The following ATOH1 variants were observed in gnomAD, a reference collection of about 807,000 sequenced individuals.
ATOH1 encodes atonal bHLH transcription factor 1, also known as transcription factor ATOH1.
Under a neutral mutation model 20.7 loss-of-function variants are expected in ATOH1, and 9 were observed. The observed-to-expected ratio is 0.44, with a 90% confidence interval of 0.26 to 0.76. The LOEUF (loss-of-function observed/expected upper bound fraction) is 0.76, where lower values mean the gene tolerates loss of function less well. Ranked by LOEUF, ATOH1 falls within the 30% of genes least tolerant of loss-of-function variation. The pLI, the probability that ATOH1 is intolerant of heterozygous loss-of-function variation, is 0.20. For missense variants in ATOH1, 516 were observed against 479.3 expected, an observed-to-expected ratio of 1.08 and a Z score of -0.71; for synonymous variants, 247 against 214.3, an observed-to-expected ratio of 1.15 and a Z score of -1.33.
In ATOH1 at chr4:93,829,486, C is replaced by A. The variant is rs1206756173; in HGVS notation, c.560C>A (p.Pro187Gln). ...HAFDQLRNVI[P>Q]SFNNDKKLSK... ...TTCGACCAGCTGCGCAATGTTATCC[C>A]GTCGTTCAACAACGACAAGAAGCTG... The change falls in exon 1 of 1, where the codon CCG becomes CAG. Residue 187 changes from proline to glutamine, a missense_variant. Transcript: ENST00000306011. The surrounding 1 kb of genome is among the most constrained non-coding windows in gnomAD (Gnocchi z 4.5). 1 of 1,614,266 alleles carries A rather than the reference C, an allele frequency of 6.2e-7. No individual in the cohort carries two copies. The highest frequency in any genetic ancestry group is 8.5e-7 in the Non-Finnish European group (1 of 1,180,050).
chr4:93,829,661 A>T lies in ATOH1; in HGVS notation c.735A>T (p.Glu245Asp), dbSNP rs375846661. The T allele has an allele frequency of 1.6e-5, 25 of 1,582,854 alleles. No individual in the cohort carries two copies. In the Middle Eastern group the frequency reaches 5.1e-4, roughly 32 times the overall value. ...ACCTTCGCACCGCGGCCTCCTATGAAGGGGGCGCGGGCAACGCGACCGCAG... is the reference window on the plus strand; with the variant it reads ...ACCTTCGCACCGCGGCCTCCTATGATGGGGGCGCGGGCAACGCGACCGCAG... The part of the protein sequence containing the change: ...HHHLRTAASY[E>D]GGAGNATAAG... The change falls in exon 1 of 1, where the codon GAA (glutamate) becomes GAT (aspartate). Residue 245 changes from glutamate to aspartate, a missense_variant. By Grantham distance (45) the Glu-to-Asp change is conservative. Transcript: ENST00000306011. This position sits in a 1 kb window ranked among gnomAD's most constrained non-coding sequence, Gnocchi z 4.5.
At position 93,829,794 on chromosome 4, in the gene ATOH1, G is replaced by A. The variant is rs764885802; in HGVS notation, c.868G>A (p.Asp290Asn). The A allele has an allele frequency of 3.1e-6, 5 of 1,613,134 alleles. No individual in the cohort carries two copies. The highest frequency in any genetic ancestry group is 1.7e-4 in the Middle Eastern group (1 of 6,058). The change falls in exon 1 of 1, where the codon GAC becomes AAC. Residue 290 changes from aspartate (D) to asparagine (N), a missense_variant. By Grantham distance (23) the Asp-to-Asn change is conservative. Transcript: ENST00000306011. This position sits in a 1 kb window ranked among gnomAD's most constrained non-coding sequence, Gnocchi z 4.5. The part of the protein sequence containing the change: ...ASAGGYSVQL[D>N]ALHFSTFEDS... ...TGCGGGAGGGTACTCGGTGCAGCTG[G>A]ACGCTCTGCACTTCTCGACTTTCGA...
rs947447991 is a variant in ATOH1 at position 93,829,159 on chromosome 4, C to T, written c.233C>T (p.Ala78Val). The T allele has an allele frequency of 6.3e-7, 1 of 1,595,572 alleles. No homozygotes were observed. The highest frequency in any genetic ancestry group is 1.3e-5 in the African/African-American group (1 of 74,458). ...CAGGGCATCTGCACGGCACGCGCCG[C>T]CCAGTATTTGCTACATTCCCCGGAG... ...TLQGICTARA[A>V]QYLLHSPELG... Residue 78 changes from alanine (A) to valine (V), a missense_variant, in exon 1 of 1, where the codon GCC becomes GTC. Transcript: ENST00000306011. The surrounding 1 kb of genome is among the most constrained non-coding windows in gnomAD (Gnocchi z 4.5).
rs138388359 is a variant in ATOH1, at chr4:93,829,076, G to C, written c.150G>C (p.Pro50=). 63 of 1,613,748 alleles carry C rather than the reference G, an allele frequency of 3.9e-5. 1 individual carries two copies. Among genetic ancestry groups the C allele is most frequent in the Middle Eastern group, 3.3e-4 (2 of 6,060 alleles). ...TLQAREHPVY[P]PELSLLDSTD... Reference sequence around the variant, plus strand: ...AGGCGAGAGAGCATCCCGTCTACCCGCCTGAGCTGTCCCTCCTGGACAGCA... The same window carrying C: ...AGGCGAGAGAGCATCCCGTCTACCCCCCTGAGCTGTCCCTCCTGGACAGCA... Residue 50 remains proline (P), a synonymous_variant, in exon 1 of 1, where the codon CCG becomes CCC. Coordinates refer to ENST00000306011, the MANE Select transcript of ATOH1 (RefSeq NM_005172.2). This position sits in a 1 kb window ranked among gnomAD's most constrained non-coding sequence, Gnocchi z 4.5.
rs960325653 is a variant in ATOH1, at chr4:93,829,676, C to T, written c.750C>T (p.Asn250=). 2.5e-6 allele frequency: 4 copies of T among 1,571,416 alleles called. No homozygotes were observed. Among genetic ancestry groups the T allele is most frequent in the East Asian group, 2.2e-5 (1 of 44,574 alleles). Residue 250 remains asparagine (N), a synonymous_variant, in exon 1 of 1, where the codon AAC becomes AAT. Coordinates refer to ENST00000306011, the MANE Select transcript of ATOH1 (RefSeq NM_005172.2). The surrounding 1 kb of genome is among the most constrained non-coding windows in gnomAD (Gnocchi z 4.5). Reference sequence around the variant, plus strand: ...CCTCCTATGAAGGGGGCGCGGGCAACGCGACCGCAGCTGGGGCTCAGCAGG... The same window carrying T: ...CCTCCTATGAAGGGGGCGCGGGCAATGCGACCGCAGCTGGGGCTCAGCAGG... ...TAASYEGGAG[N]ATAAGAQQAS... is the part of the protein sequence containing the mutation.
chr4:93,830,474 G>A lies in ATOH1; in HGVS notation c.*483G>A, dbSNP rs1207561337. 5.9e-6 allele frequency: 1 copy of A among 168,482 alleles called. No homozygotes were observed. The highest frequency in any genetic ancestry group is 1.4e-5 in the Non-Finnish European group (1 of 69,188). The allele number at this position is 168,482 out of a possible 1,614,324, so 10.4% of individuals were successfully genotyped here. A position where few individuals can be genotyped will look rare whatever the true frequency, so the allele number is the denominator to read the frequency against. ...AAATGCACAATGAAACGCAAAATTA[G>A]TGCTTCCAAAGTGGATAACTTTTGA... On this transcript the variant is annotated 3_prime_UTR_variant, in exon 1 of 1. Transcript: ENST00000306011.
At position 93,829,301 on chromosome 4, in the gene ATOH1, G is replaced by C; in HGVS notation, c.375G>C (p.Arg125=). 2 of 1,612,894 alleles carry C rather than the reference G, an allele frequency of 1.2e-6. No homozygotes were observed. Among genetic ancestry groups the C allele is most frequent in the African/African-American group, 1.3e-5 (1 of 75,048 alleles). Residue 125 remains arginine (R), a synonymous_variant, in exon 1 of 1, where the codon CGG becomes CGC. Coordinates refer to ENST00000306011, the MANE Select transcript of ATOH1 (RefSeq NM_005172.2). This position sits in a 1 kb window ranked among gnomAD's most constrained non-coding sequence, Gnocchi z 4.5. ...AGAGCCCCGGGCCGGTGAAAGTGCG[G>C]GAACAGCTGTGCAAGCTGAAAGGCG... The part of the protein sequence containing the change: ...SSKSPGPVKV[R]EQLCKLKGGV...
In ATOH1 at chr4:93,829,014, C is replaced by G. The variant is rs896213120; in HGVS notation, c.88C>G (p.Gln30Glu). 6.2e-7 allele frequency: 1 copy of G among 1,613,440 alleles called. No homozygotes were observed. Among genetic ancestry groups the G allele is most frequent in the Non-Finnish European group, 8.5e-7 (1 of 1,179,894 alleles). Residue 30 changes from glutamine (Q) to glutamate (E), a missense_variant, in exon 1 of 1, where the codon CAA (glutamine) becomes GAA (glutamate). Transcript: ENST00000306011. The surrounding 1 kb of genome is among the most constrained non-coding windows in gnomAD (Gnocchi z 4.5). ...HRQPQPHHLPQPPPPPQPPAT... is the reference protein window; with the variant it reads ...HRQPQPHHLPEPPPPPQPPAT... ...CCAGCCCCAGCCGCATCATCTCCCGCAACCGCCGCCGCCGCCGCAGCCACC... is the reference window on the plus strand; with the variant it reads ...CCAGCCCCAGCCGCATCATCTCCCGGAACCGCCGCCGCCGCCGCAGCCACC...
rs527420598 is a variant in ATOH1, at chr4:93,830,662, C to T, written c.*671C>T. The T allele has an allele frequency of 2.4e-5, 4 of 166,658 alleles. No individual in the cohort carries two copies. The highest frequency in any genetic ancestry group is 4.8e-5 in the African/African-American group (2 of 41,352). The allele number at this position is 166,658 out of a possible 1,614,324, so 10.3% of individuals were successfully genotyped here. On this transcript the variant is annotated 3_prime_UTR_variant, in exon 1 of 1. Transcript: ENST00000306011. ...GGTGGCTCCAGGAGAAACTCAACTG[C>T]CAATTGCAGACCAGTTTTTTTTTTT...
chr4:93,830,381 C>T lies in ATOH1; in HGVS notation c.*390C>T, dbSNP rs1735420237. 5.5e-6 allele frequency: 1 copy of T among 182,112 alleles called. No homozygotes were observed. The highest frequency in any genetic ancestry group is 6.1e-5 in the Admixed American group (1 of 16,436). 11.3% of individuals were successfully genotyped at this position (182,112 alleles called of 1,614,324 possible). A position where few individuals can be genotyped will look rare whatever the true frequency, so the allele number is the denominator to read the frequency against. On this transcript the variant is annotated 3_prime_UTR_variant, in exon 1 of 1. Transcript: ENST00000306011. ...GTTTGGGTTTAATTTATTTTACGCC[C>T]TGGGCATCCATCCTTGTGTGTTGCG...
rs1296633271 is a variant in ATOH1 at position 93,830,045 on chromosome 4, T to G, written c.*54T>G. On this transcript the variant is annotated 3_prime_UTR_variant, in exon 1 of 1. Transcript: ENST00000306011. ...CAGAAACAAAACTGCCCTTTCCCAG[T>G]GCGCGGGAAGCCCCGCGGTTAAAGA... 1 of 1,516,108 alleles carries G rather than the reference T, an allele frequency of 6.6e-7. No homozygotes were observed. Among genetic ancestry groups the G allele is most frequent in the African/African-American group, 1.4e-5 (1 of 71,542 alleles). The allele number at this position is 1,516,108 out of a possible 1,614,324, so 93.9% of individuals were successfully genotyped here. A position where few individuals can be genotyped will look rare whatever the true frequency, so the allele number is the denominator to read the frequency against.
chr4:93,829,759 C>T lies in ATOH1; in HGVS notation c.833C>T (p.Ala278Val). The change falls in exon 1 of 1, where the codon GCC becomes GTC. Residue 278 changes from alanine to valine, a missense_variant. Transcript: ENST00000306011. The surrounding 1 kb of genome is among the most constrained non-coding windows in gnomAD (Gnocchi z 4.5). ...PPGSCRTRFS[A>V]PASAGGYSVQ... The stretch of plus-strand genomic sequence containing the variant: ...GGGAGTTGCCGGACTCGCTTCTCAG[C>T]CCCAGCTTCTGCGGGAGGGTACTCG... The T allele has an allele frequency of 1.3e-6, 2 of 1,599,328 alleles. No individual in the cohort carries two copies. The highest frequency in any genetic ancestry group is 2.3e-5 in the South Asian group (2 of 88,526).
chr4:93,830,808 T>C lies in ATOH1; in HGVS notation c.*817T>C, dbSNP rs1299701112. 1 of 167,124 alleles carries C rather than the reference T, an allele frequency of 6.0e-6. No homozygotes were observed. Among genetic ancestry groups the C allele is most frequent in the Non-Finnish European group, 1.5e-5 (1 of 68,126 alleles). 10.4% of individuals were successfully genotyped at this position (167,124 alleles called of 1,614,324 possible). A position where few individuals can be genotyped will look rare whatever the true frequency, so the allele number is the denominator to read the frequency against. On this transcript the variant is annotated 3_prime_UTR_variant, in exon 1 of 1. Coordinates refer to ENST00000306011, the MANE Select transcript of ATOH1 (RefSeq NM_005172.2). ...TCAATTTTATTTTGCTTTGTTAATA[T>C]TAGAAAACTTATTTATTATTGTTTG... is the stretch of plus-strand genomic sequence containing the variant.
In ATOH1 at chr4:93,828,880, G is replaced by A; in HGVS notation, c.-47G>A. The A allele has an allele frequency of 6.6e-7, 1 of 1,517,698 alleles. No individual in the cohort carries two copies. The allele number at this position is 1,517,698 out of a possible 1,614,324, so 94.0% of individuals were successfully genotyped here. ...GGGCCTTTTTTTTGGTTGAGCTGGT[G>A]TCCCAGTGCTGCCTCCGATCCTGAG... On this transcript the variant is annotated 5_prime_UTR_variant, in exon 1 of 1. Coordinates refer to ENST00000306011, the MANE Select transcript of ATOH1 (RefSeq NM_005172.2).
In ATOH1 at chr4:93,829,708, G is replaced by T. The variant is rs1488438280; in HGVS notation, c.782G>T (p.Gly261Val). Residue 261 changes from glycine (G) to valine (V), a missense_variant, in exon 1 of 1, where the codon GGA becomes GTA. Physicochemically the swap from Gly to Val is moderately radical, Grantham distance 109. Coordinates refer to ENST00000306011, the MANE Select transcript of ATOH1 (RefSeq NM_005172.2). This position sits in a 1 kb window ranked among gnomAD's most constrained non-coding sequence, Gnocchi z 4.5. ...ATAAGAQQAS[G>V]GSQRPTPPGS... ...GCAGCTGGGGCTCAGCAGGCTTCCG[G>T]AGGGAGCCAGCGGCCGACCCCGCCC... 6.4e-7 allele frequency: 1 copy of T among 1,571,822 alleles called. No homozygotes were observed. The highest frequency in any genetic ancestry group is 8.6e-7 in the Non-Finnish European group (1 of 1,160,798).
chr4:93,830,048 G>T lies in ATOH1; in HGVS notation c.*57G>T, dbSNP rs1014415917. Reference sequence around the variant, plus strand: ...AAACAAAACTGCCCTTTCCCAGTGCGCGGGAAGCCCCGCGGTTAAAGATCC... The same window carrying T: ...AAACAAAACTGCCCTTTCCCAGTGCTCGGGAAGCCCCGCGGTTAAAGATCC... On this transcript the variant is annotated 3_prime_UTR_variant, in exon 1 of 1. Coordinates refer to ENST00000306011, the MANE Select transcript of ATOH1 (RefSeq NM_005172.2). 14 of 1,515,646 alleles carry T rather than the reference G, an allele frequency of 9.2e-6. No individual in the cohort carries two copies. Among genetic ancestry groups the T allele is most frequent in the Admixed American group, 2.3e-5 (1 of 42,924 alleles). The allele number at this position is 1,515,646 out of a possible 1,614,324, so 93.9% of individuals were successfully genotyped here.
In ATOH1 at chr4:93,829,095, G is replaced by A; in HGVS notation, c.169G>A (p.Asp57Asn). ...PVYPPELSLL[D>N]STDPRAWLAP... ...CTACCCGCCTGAGCTGTCCCTCCTG[G>A]ACAGCACCGACCCACGCGCCTGGCT... Residue 57 changes from aspartate to asparagine, a missense_variant, in exon 1 of 1, where the codon GAC becomes AAC. By Grantham distance (23) the Asp-to-Asn change is conservative. Coordinates refer to ENST00000306011, the MANE Select transcript of ATOH1 (RefSeq NM_005172.2). This position sits in a 1 kb window ranked among gnomAD's most constrained non-coding sequence, Gnocchi z 4.5. 6.2e-7 allele frequency: 1 copy of A among 1,612,986 alleles called. No individual in the cohort carries two copies. Among genetic ancestry groups the A allele is most frequent in the South Asian group, 1.1e-5 (1 of 91,022 alleles).
Position 93,830,072 on chromosome 4 carries a change from C to A in ATOH1, c.*81C>A, listed in dbSNP as rs980450834. 3 of 1,493,306 alleles carry A rather than the reference C, an allele frequency of 2.0e-6. No individual in the cohort carries two copies. The African/African-American group carries it at 4.2e-5, about 21-fold the overall frequency. The allele number at this position is 1,493,306 out of a possible 1,614,324, so 92.5% of individuals were successfully genotyped here. A position where few individuals can be genotyped will look rare whatever the true frequency, so the allele number is the denominator to read the frequency against. On this transcript the variant is annotated 3_prime_UTR_variant, in exon 1 of 1. Coordinates refer to ENST00000306011, the MANE Select transcript of ATOH1 (RefSeq NM_005172.2). ...CGCGGGAAGCCCCGCGGTTAAAGAT[C>A]CCCGCACCCTTTAATTTTTGCTCTG...
Position 93,828,757 on chromosome 4 carries a change from A to G in ATOH1, c.-170A>G. 3 of 650,540 alleles carry G rather than the reference A, an allele frequency of 4.6e-6. No individual in the cohort carries two copies. The highest frequency in any genetic ancestry group is 7.2e-6 in the Non-Finnish European group (3 of 415,658). 40.3% of individuals were successfully genotyped at this position (650,540 alleles called of 1,614,324 possible). A position where few individuals can be genotyped will look rare whatever the true frequency, so the allele number is the denominator to read the frequency against. On this transcript the variant is annotated 5_prime_UTR_variant, in exon 1 of 1. Coordinates refer to ENST00000306011, the MANE Select transcript of ATOH1 (RefSeq NM_005172.2). ...GGCGCAGCGCCTTCAGCAACCGGAG[A>G]AGCATAGTTGCACGCGACCTGGTGT...
Sources: gnomAD v4.1 joint callset for allele counts on GRCh38, gnomAD v4.1.1 for gene constraint, Gnocchi (gnomAD v3.1) non-coding constraint, MANE v1.5 for transcripts, NCBI Gene and HGNC (gene_info 2026-07-23, HGNC 2026-07-21) for gene names.